Variants in GFRA1 observed in about 807,000 individuals in gnomAD.
The protein encoded by GFRA1 is GDNF family receptor alpha 1.
A neutral mutation model predicts 51.6 loss-of-function variants in GFRA1; 16 were observed. The ratio of observed to expected loss-of-function variants is 0.31; its 90% CI spans 0.21 to 0.47. The LOEUF (loss-of-function observed/expected upper bound fraction) is 0.47. GFRA1 is among the 20% of genes least tolerant of loss of function. The pLI, the probability that GFRA1 is intolerant of heterozygous loss-of-function variation, is 1.00. For missense variants in GFRA1, 530 were observed against 594.3 expected, an observed-to-expected ratio of 0.89 and a Z score of 1.13; for synonymous variants, 270 against 241.3, an observed-to-expected ratio of 1.12 and a Z score of -1.10.
At chr10:116,211,979 A>G (rs1416937851) in intron 4 of GFRA1, among the ~76,000 whole-genome samples, 1 of 152,164 alleles carries the variant, frequency 6.6e-6, no homozygotes, top group African/African-American at 2.4e-5. Context: ...AAACATAGAA[A>G]AATCAGCAGC....
chr10:116,208,450 A>C (rs1964947496), intron 5 of GFRA1, among the ~76,000 whole-genome samples: 1 of 152,164 alleles, frequency 6.6e-6, no homozygotes, highest in Non-Finnish European at 1.5e-5. Flanking sequence ...CTGCAGAATA[A>C]ACATGTCATG....
At position 116,125,418 on chromosome 10, in the gene GFRA1, C is replaced by T. The variant is rs1200809679; in HGVS notation, c.573G>A (p.Lys191=). ...AGAACTGCCGGAGGGCCTTGTGGCA[C>T]TTGCGGCGGTTGCAGACATCGTTGG... ...SVSNDVCNRR[K]CHKALRQFFD... is the part of the protein sequence containing the mutation. Residue 191 remains lysine (K), a synonymous_variant, in exon 6 of 11, where the codon AAG becomes AAA. Coordinates refer to ENST00000355422, the MANE Select transcript of GFRA1 (RefSeq NM_005264.8). 2 of 1,614,242 alleles carry T rather than the reference C, an allele frequency of 1.2e-6. No individual in the cohort carries two copies. Among genetic ancestry groups the T allele is most frequent in the African/African-American group, 1.3e-5 (1 of 75,082 alleles).
chr10:116,131,605 A>C (rs1298521881), intron 5 of GFRA1, among the ~76,000 whole-genome samples: 1 of 152,220 alleles, frequency 6.6e-6, no homozygotes, highest in African/African-American at 2.4e-5. Context: ...GTTGATACAC[A>C]AAATAGCATG....
intron 5 of GFRA1, among the ~76,000 whole-genome samples, chr10:116,177,229 G>A (rs951758948): frequency 3.3e-5 from 5 of 152,140 alleles, no homozygotes; most frequent in Non-Finnish European, 7.3e-5. Context: ...ACAATGACAG[G>A]AGCACATCTA....
chr10:116,194,161 G>A (rs148124436), intron 5 of GFRA1, among the ~76,000 whole-genome samples: 2 of 151,346 alleles, frequency 1.3e-5, no homozygotes, highest in African/African-American at 2.4e-5. Context: ...CTCTTGACCT[G>A]CTGAATATGC....
rs180552 is a variant in GFRA1 at position 116,059,331 on chromosome 10, G to A, written c.*5067C>T. ...CTGGCCAGTCTCCTGGCGCCCTACA[G>A]AAGAAAATTGGGGATTGGTAAGAAA... On this transcript the variant is annotated 3_prime_UTR_variant, in exon 11 of 11. Transcript: ENST00000355422. The A allele has an allele frequency of 0.39, 59,331 of 152,036 alleles. 14,014 individuals are homozygous for A. Among genetic ancestry groups the A allele is most frequent in the African/African-American group, 0.65 (27,072 of 41,450 alleles). 9.4% of individuals were successfully genotyped at this position (152,036 alleles called of 1,614,324 possible).
At chr10:116,146,991 GA>G (rs1285960414) in intron 5 of GFRA1, among the ~76,000 whole-genome samples, 2 of 150,978 alleles carry the variant, frequency 1.3e-5, no homozygotes, top group East Asian at 3.9e-4. Flanking sequence ...ATCATGGGAT[GA>G]AAAAGGATCT....
At position 116,143,321 on chromosome 10, in the gene GFRA1, A is replaced by AT. The variant is rs79351306; in HGVS notation, c.434-17765dup. ...CAAACAAACTGGAACTGTCAGTTCA[A>AT]TTTTTTTTTAATTAAAAAAAAAAAA... On this transcript the variant is annotated intron_variant, in intron 5 of 10. Transcript: ENST00000355422. Among the ~76,000 whole-genome samples, 814 of 130,188 alleles carry AT rather than the reference A, an allele frequency of 6.3e-3. 23 individuals carry two copies. In the East Asian group the frequency reaches 0.093, roughly 15 times the overall value. 85.4% of individuals were successfully genotyped at this position (130,188 alleles called of 152,430 possible). A position where few individuals can be genotyped will look rare whatever the true frequency, so the allele number is the denominator to read the frequency against.
At position 116,125,473 on chromosome 10, in the gene GFRA1, G is replaced by T; in HGVS notation, c.518C>A (p.Ala173Glu). 6.2e-7 allele frequency: 1 copy of T among 1,614,086 alleles called. No homozygotes were observed. The highest frequency in any genetic ancestry group is 8.5e-7 in the Non-Finnish European group (1 of 1,179,950). Reference protein sequence around the residue: ...LDDICKKYRSAYITPCTTSVS... With the variant: ...LDDICKKYRSEYITPCTTSVS... ...GCTGGTGGTGCACGGGGTGATGTAC[G>T]CCGACCTGTACTTCTTGCAAATGTC... The change falls in exon 6 of 11, where the codon GCG becomes GAG. Residue 173 changes from alanine to glutamate, a missense_variant. Physicochemically the swap from Ala to Glu is moderately radical, Grantham distance 107. Transcript: ENST00000355422.
At chr10:116,068,829 T>A (rs1488125639) in intron 9 of GFRA1, among the ~76,000 whole-genome samples, 1 of 147,670 alleles carries the variant, frequency 6.8e-6, no homozygotes, top group Non-Finnish European at 1.5e-5. Context: ...GCAGGGCGTC[T>A]CCCGCTTTCA....
intron 5 of GFRA1, among the ~76,000 whole-genome samples, chr10:116,190,006 CAG>C (rs931089793): frequency 6.6e-6 from 1 of 152,086 alleles, no homozygotes; most frequent in African/African-American, 2.4e-5. Context: ...CCAGGCGAGG[CAG>C]AGAGCGGGAC....
chr10:116,217,028 A>T (rs941445431), intron 4 of GFRA1, among the ~76,000 whole-genome samples: 4 of 152,224 alleles, frequency 2.6e-5, no homozygotes, highest in Non-Finnish European at 5.9e-5. Context: ...AATGCAGTGA[A>T]TTTTTTCTTT....
chr10:116,060,975 C>A lies in GFRA1; in HGVS notation c.*3423G>T, dbSNP rs538184575. ...CTGCTCTTACATCTCTTTTCCCAGG[C>A]ACTTTACATGGACTCCAAAATGCTT... On this transcript the variant is annotated 3_prime_UTR_variant, in exon 11 of 11. Transcript: ENST00000355422. 1 of 152,166 alleles carries A rather than the reference C, an allele frequency of 6.6e-6. No individual in the cohort carries two copies. Among genetic ancestry groups the A allele is most frequent in the African/African-American group, 2.4e-5 (1 of 41,436 alleles). The allele number at this position is 152,166 out of a possible 1,614,324, so 9.4% of individuals were successfully genotyped here. A position where few individuals can be genotyped will look rare whatever the true frequency, so the allele number is the denominator to read the frequency against.
At chr10:116,234,373 T>C (rs942485015) in intron 4 of GFRA1, among the ~76,000 whole-genome samples, 5 of 152,212 alleles carry the variant, frequency 3.3e-5, no homozygotes, top group African/African-American at 9.6e-5. Context: ...AAACAGGGCC[T>C]AGAATCCTAA....
At chr10:116,181,422 G>A (rs1169471385) in intron 5 of GFRA1, among the ~76,000 whole-genome samples, 7 of 152,104 alleles carry the variant, frequency 4.6e-5, no homozygotes, top group Admixed American at 2.6e-4. Flanking sequence ...AAAGGACCCT[G>A]GGCCAGGAGT....
rs187545922 is a variant in GFRA1, at chr10:116,130,131, C to T, written c.434-4574G>A. ...GAATATAACAAAAGACATGCAAGACCTCTACACTGAAAAATAAAAACACTG... is the reference window on the plus strand; with the variant it reads ...GAATATAACAAAAGACATGCAAGACTTCTACACTGAAAAATAAAAACACTG... On this transcript the variant is annotated intron_variant, in intron 5 of 10. Coordinates refer to ENST00000355422, the MANE Select transcript of GFRA1 (RefSeq NM_005264.8). 1.8e-3 allele frequency among the ~76,000 whole-genome samples: 268 copies of T among 149,756 alleles called. 1 individual carries two copies. Among genetic ancestry groups the T allele is most frequent in the African/African-American group, 6.3e-3 (259 of 41,020 alleles).
intron 3 of GFRA1, among the ~76,000 whole-genome samples, chr10:116,270,423 G>A (rs980098273): frequency 2.0e-5 from 3 of 152,186 alleles, no homozygotes; most frequent in Non-Finnish European, 4.4e-5. Flanking sequence ...CAAGACAGGG[G>A]GAGTCCAGAC....
At chr10:116,146,931 G>A (rs1234121654) in intron 5 of GFRA1, among the ~76,000 whole-genome samples, 7 of 152,114 alleles carry the variant, frequency 4.6e-5, no homozygotes, top group African/African-American at 1.2e-4. Context: ...TGGAAGGGAG[G>A]TGCCACAATC....
intron 5 of GFRA1, among the ~76,000 whole-genome samples, chr10:116,191,951 C>G (rs532579632): frequency 3.9e-5 from 6 of 152,084 alleles, no homozygotes; most frequent in African/African-American, 1.4e-4. Flanking sequence ...AGCTTGAACC[C>G]GGGAGGCAGA....
Sources: gnomAD v4.1 joint callset for allele counts (sites outside exome capture counted in the v4.1 genomes callset) on GRCh38, gnomAD v4.1.1 for gene constraint, MANE v1.5 for transcripts, NCBI Gene and HGNC (gene_info 2026-07-23, HGNC 2026-07-21) for gene names.